GPC5: variants seen among roughly 807,000 people sequenced by gnomAD.
The protein encoded by GPC5 is glypican 5, also known as glypican-5.
In GPC5, 47 loss-of-function variants were observed where a neutral mutation model predicts 53.9. That is an observed-to-expected ratio of 0.87 (90% confidence interval 0.69 to 1.11). The LOEUF is 1.11. GPC5 is among the 50% of genes most tolerant of loss of function. The pLI is 0.00. For synonymous variants in GPC5, 286 were observed against 263.3 expected (o/e 1.09, Z -0.84); for missense variants, 748 against 713.1 (o/e 1.05, Z -0.56).
At chr13:92,822,501 T>C (rs1207301997) in intron 7 of GPC5, among the ~76,000 whole-genome samples, 2 of 152,104 alleles carry the variant, frequency 1.3e-5, no homozygotes, top group Non-Finnish European at 2.9e-5. Flanking sequence ...ACCTCATTAC[T>C]GGTAAATGAC....
chr13:92,094,263 T>C (rs1163072490), intron 6 of GPC5, among the ~76,000 whole-genome samples: 28 of 152,252 alleles, frequency 1.8e-4, no homozygotes, highest in Admixed American at 1.4e-3. Context: ...ACGCCTGTTT[T>C]CCCAGCACTT....
chr13:91,977,955 AAAAGAAAGAAAG>A (rs71200555), intron 6 of GPC5, among the ~76,000 whole-genome samples: 1 of 142,902 alleles, frequency 7.0e-6, no homozygotes, highest in Non-Finnish European at 1.5e-5. Flanking sequence ...TCTAAAAGAA[AAAAGAAAGAAAG>A]AAAGAAAGAA....
chr13:92,355,882 AT>A (rs57295384), intron 7 of GPC5, among the ~76,000 whole-genome samples: 8,755 of 126,054 alleles, frequency 0.069, 223 homozygotes, highest in African/African-American at 0.12. Context: ...TGACCCTATC[AT>A]TTTTTTTTTT....
At chr13:92,175,320 T>C (rs978914378) in intron 7 of GPC5, among the ~76,000 whole-genome samples, 3 of 152,222 alleles carry the variant, frequency 2.0e-5, no homozygotes, top group African/African-American at 7.2e-5. Context: ...TATACCATAT[T>C]TTGTATCTAT....
chr13:92,009,752 A>C (rs966048894), intron 6 of GPC5, among the ~76,000 whole-genome samples: 1 of 152,122 alleles, frequency 6.6e-6, no homozygotes, highest in Non-Finnish European at 1.5e-5. Context: ...TGAAAACCCC[A>C]TTTCTTAACC....
chr13:92,450,776 T>G (rs906644260), intron 7 of GPC5, among the ~76,000 whole-genome samples: 1 of 152,180 alleles, frequency 6.6e-6, no homozygotes, highest in Non-Finnish European at 1.5e-5. Context: ...AATCCCTTGG[T>G]CAAGCTTCCG....
chr13:91,754,923 G>A (rs2037257359), intron 4 of GPC5, among the ~76,000 whole-genome samples: 1 of 151,904 alleles, frequency 6.6e-6, no homozygotes, highest in Admixed American at 6.6e-5. Flanking sequence ...TCACTTATCT[G>A]GTCCATCTTT....
At chr13:92,105,892 A>C (rs2041505677) in intron 6 of GPC5, among the ~76,000 whole-genome samples, 1 of 152,048 alleles carries the variant, frequency 6.6e-6, no homozygotes. Context: ...TGCTGAGAAA[A>C]AGAAGGCAGT....
At chr13:91,607,742 TC>T (rs1232600663) in intron 2 of GPC5, among the ~76,000 whole-genome samples, 1 of 152,192 alleles carries the variant, frequency 6.6e-6, no homozygotes, top group African/African-American at 2.4e-5. Flanking sequence ...TGGGAAGTTT[TC>T]CCTGAAAGAC....
intron 5 of GPC5, among the ~76,000 whole-genome samples, chr13:91,900,603 T>C (rs1264389093): frequency 6.6e-6 from 1 of 152,092 alleles, no homozygotes; most frequent in African/African-American, 2.4e-5. Context: ...ATCATTTGCT[T>C]TGAATTTTTG....
chr13:91,883,234 G>T (rs1304610931), intron 5 of GPC5, among the ~76,000 whole-genome samples: 2 of 152,250 alleles, frequency 1.3e-5, no homozygotes, highest in South Asian at 2.1e-4. Context: ...TTCTTATATG[G>T]TTGCTGACTT....
intron 7 of GPC5, among the ~76,000 whole-genome samples, chr13:92,848,447 A>G (rs1413013309): frequency 1.9e-4 from 29 of 152,192 alleles, no homozygotes; most frequent in Admixed American, 1.9e-3. Flanking sequence ...TTACTAAGTT[A>G]TATATTTTAA....
At chr13:92,259,243 T>G (rs1926623) in intron 7 of GPC5, among the ~76,000 whole-genome samples, 46,212 of 152,070 alleles carry the variant, frequency 0.3, 7,561 homozygotes, top group South Asian at 0.45. Flanking sequence ...AGTTGTTTTC[T>G]ATGAACTAAA....
intron 7 of GPC5, among the ~76,000 whole-genome samples, chr13:92,534,177 CT>C (rs1394237496): frequency 6.6e-6 from 1 of 152,078 alleles, no homozygotes; most frequent in Non-Finnish European, 1.5e-5. Flanking sequence ...GTCCCAGCTA[CT>C]TGGGAGGTTG....
intron 2 of GPC5, among the ~76,000 whole-genome samples, chr13:91,523,954 ATATAT>A (rs1885962210): frequency 6.6e-6 from 1 of 151,958 alleles, no homozygotes; most frequent in Non-Finnish European, 1.5e-5. Context: ...CTTTGCATGA[ATATAT>A]TATAATTTTA....
chr13:91,404,673 T>A (rs1046264211), intron 1 of GPC5, among the ~76,000 whole-genome samples: 4 of 152,196 alleles, frequency 2.6e-5, no homozygotes, highest in African/African-American at 9.6e-5. Context: ...CAGGGCCACA[T>A]ATGGCTACTA....
rs1566549622 is a variant in GPC5 at position 92,347,862 on chromosome 13, T to TA, written c.1561+202874dup. Among the ~76,000 whole-genome samples, 34 of 17,312 alleles carry TA rather than the reference T, an allele frequency of 2.0e-3. 4 individuals carry two copies. Among genetic ancestry groups the TA allele is most frequent in the Middle Eastern group, 0.045 (1 of 22 alleles). The allele number at this position is 17,312 out of a possible 152,430, so 11.4% of individuals were successfully genotyped here. ...AAATAGGCTGTTTTATACATATATA[T>TA]ATTATATATATAATATATATTATAT... On this transcript the variant is annotated intron_variant, in intron 7 of 7. Transcript: ENST00000377067.
intron 2 of GPC5, among the ~76,000 whole-genome samples, chr13:91,594,999 T>C (rs1317331083): frequency 9.8e-6 from 1 of 102,054 alleles, no homozygotes. Context: ...TATTTATTTA[T>C]TTATTTATTT....
At chr13:91,711,939 A>G in intron 3 of GPC5, among the ~76,000 whole-genome samples, 1 of 152,256 alleles carries the variant, frequency 6.6e-6, no homozygotes, top group Non-Finnish European at 1.5e-5. Context: ...CCCACATTAA[A>G]GAAGGATTGG....
Sources: allele counts gnomAD v4.1 joint callset (sites outside exome capture counted in the v4.1 genomes callset), GRCh38; gene constraint gnomAD v4.1.1; transcripts MANE v1.5; gene names NCBI Gene and HGNC (gene_info 2026-07-23, HGNC 2026-07-21).